HERC1: variants seen among roughly 807,000 people sequenced by gnomAD.
The protein encoded by HERC1 is probable E3 ubiquitin-protein ligase HERC1.
Under a neutral mutation model 554.3 loss-of-function variants are expected in HERC1, and 160 were observed. The observed-to-expected ratio is 0.29, with a 90% CI of 0.25 to 0.33. The LOEUF (loss-of-function observed/expected upper bound fraction) is 0.33. Among genes scored for constraint, HERC1 ranks in the 10% least tolerant of loss-of-function variants. The probability of loss-of-function intolerance (pLI) is 1.00; values close to 1 mark genes in which losing one functional copy is unlikely to be tolerated. For missense variants in HERC1, 4,919 were observed against 5,918.5 expected (o/e 0.83, Z 5.54); for synonymous variants, 2,175 against 2,131.7 (o/e 1.02, Z -0.56).
chr15:63,703,618 T>C (rs914237406), intron 25 of HERC1, among the ~76,000 whole-genome samples: 1 of 152,156 alleles, frequency 6.6e-6, no homozygotes, highest in Non-Finnish European at 1.5e-5. Flanking sequence ...CCAGGCACGG[T>C]GGCTCATTTC....
Position 63,811,469 on chromosome 15 carries a change from G to T in HERC1, c.-27+22358C>A, listed in dbSNP as rs1434600752. On this transcript the variant is annotated intron_variant, in intron 1 of 77. Coordinates refer to ENST00000443617, the MANE Select transcript of HERC1 (RefSeq NM_003922.4). The stretch of plus-strand genomic sequence containing the variant: ...ATTTTCAAAATCAGAATTTGGGGAG[G>T]AGTATAGAAACAGCTGAATCAGGCA... 7.3e-4 allele frequency among the ~76,000 whole-genome samples: 111 copies of T among 152,186 alleles called. 4 individuals carry two copies. The highest frequency in any genetic ancestry group is 2.1e-4 in the Non-Finnish European group (14 of 68,014).
In HERC1 at chr15:63,643,657, G is replaced by A. The variant is rs935873830; in HGVS notation, c.11185-107C>T. 6.4e-6 allele frequency: 5 copies of A among 777,314 alleles called. No individual in the cohort carries two copies. In the East Asian group the frequency reaches 1.4e-4, roughly 22 times the overall value. The allele number at this position is 777,314 out of a possible 1,614,324, so 48.2% of individuals were successfully genotyped here. ...TTATATTTCAGAATAAAATTGGCAA[G>A]GGGGAGAGATAATTTCTCTCATAAA... On this transcript the variant is annotated intron_variant, in intron 57 of 77. Transcript: ENST00000443617.
intron 1 of HERC1, among the ~76,000 whole-genome samples, chr15:63,789,801 A>AAAATAAATAAATAAATAAATAAAT (rs10527229): frequency 2.2e-4 from 30 of 139,086 alleles, no homozygotes; most frequent in African/African-American, 4.5e-4. Context: ...GCCCTGTCTC[A>AAAATAAATAAATAAATAAATAAAT]AAATAAATAA....
At position 63,682,204 on chromosome 15, in the gene HERC1, G is replaced by A. The variant is rs1299538633; in HGVS notation, c.6226-1428C>T. Among the ~76,000 whole-genome samples the A allele has an allele frequency of 2.6e-5, 4 of 152,204 alleles. No individual in the cohort carries two copies. The East Asian group carries it at 7.7e-4, about 29-fold the overall frequency. On this transcript the variant is annotated intron_variant, in intron 34 of 77. Coordinates refer to ENST00000443617, the MANE Select transcript of HERC1 (RefSeq NM_003922.4). ...CAGAAGGTGGACTGCTATCTGTTGT[G>A]AGGGGCAAAAGTTACCTATCAATTT...
chr15:63,763,664 TCAAAGTCA>T lies in HERC1; in HGVS notation c.1026+424_1026+431del, dbSNP rs2075682145. 2.0e-5 allele frequency among the ~76,000 whole-genome samples: 3 copies of T among 151,914 alleles called. No homozygotes were observed. The East Asian group carries it at 5.8e-4, about 29-fold the overall frequency. On this transcript the variant is annotated intron_variant, in intron 3 of 77. Transcript: ENST00000443617. ...ACTATAAAGAAATGCAAGGAAGTGGTCAAAGTCACAATAGTGGTTACTTTGGGGAGGAG... is the reference window on the plus strand; with the variant it reads ...ACTATAAAGAAATGCAAGGAAGTGGTCAATAGTGGTTACTTTGGGGAGGAG...
chr15:63,651,729 C>G (rs930030430), intron 52 of HERC1, among the ~76,000 whole-genome samples: 2 of 152,166 alleles, frequency 1.3e-5, no homozygotes, highest in African/African-American at 4.8e-5. Context: ...GAAATAGCTA[C>G]AGCTGGCTAT....
At chr15:63,793,247 A>C (rs1210272804) in intron 1 of HERC1, among the ~76,000 whole-genome samples, 4 of 152,216 alleles carry the variant, frequency 2.6e-5, no homozygotes, top group African/African-American at 9.7e-5. Flanking sequence ...ATGAGACAGG[A>C]GGTCGGCACA....
intron 1 of HERC1, among the ~76,000 whole-genome samples, chr15:63,802,840 T>G (rs1201846780): frequency 6.6e-6 from 1 of 152,224 alleles, no homozygotes; most frequent in South Asian, 2.1e-4. Flanking sequence ...AACAAAGCAA[T>G]AATAGCAGTT....
At chr15:63,665,535 GA>G (rs1223124349) in intron 42 of HERC1, among the ~76,000 whole-genome samples, 14 of 148,446 alleles carry the variant, frequency 9.4e-5, no homozygotes, top group South Asian at 4.2e-4. Context: ...CTCCGTCTCA[GA>G]AAAAAAAAAG....
At chr15:63,743,200 C>T (rs2074885933) in intron 12 of HERC1, among the ~76,000 whole-genome samples, 1 of 150,400 alleles carries the variant, frequency 6.6e-6, no homozygotes, top group South Asian at 2.1e-4. Flanking sequence ...GTGCTTCAAC[C>T]TTTTTTATTC....
chr15:63,756,378 T>A lies in HERC1; in HGVS notation c.1533+59A>T. 7.2e-7 allele frequency: 1 copy of A among 1,382,054 alleles called. No individual in the cohort carries two copies. Among genetic ancestry groups the A allele is most frequent in the South Asian group, 1.3e-5 (1 of 74,312 alleles). The allele number at this position is 1,382,054 out of a possible 1,614,324, so 85.6% of individuals were successfully genotyped here. A position where few individuals can be genotyped will look rare whatever the true frequency, so the allele number is the denominator to read the frequency against. The stretch of plus-strand genomic sequence containing the variant: ...AGAACACATCAAAATCTGAACGACA[T>A]TGTCAATTACAACTCCAATGCATCT... On this transcript the variant is annotated intron_variant, in intron 5 of 77. Coordinates refer to ENST00000443617, the MANE Select transcript of HERC1 (RefSeq NM_003922.4). The surrounding 1 kb of genome is among the most constrained non-coding windows in gnomAD (Gnocchi z 5.0).
At chr15:63,710,265 T>C (rs1254327305) in intron 24 of HERC1, among the ~76,000 whole-genome samples, 1 of 152,192 alleles carries the variant, frequency 6.6e-6, no homozygotes. Flanking sequence ...GTAGGTGTTT[T>C]GTTGTTGTTA....
At chr15:63,662,915 G>T in intron 44 of HERC1, 69 bp downstream of exon 44, 1 of 1,189,972 alleles carries the variant, frequency 8.4e-7, no homozygotes, top group Non-Finnish European at 1.2e-6. Flanking sequence ...CAAGGCTGCT[G>T]TTAGTAAGCT....
rs1421163527 is a variant in HERC1 at position 63,727,926 on chromosome 15, A to T, written c.3155-88T>A. 2 of 975,524 alleles carry T rather than the reference A, an allele frequency of 2.1e-6. No homozygotes were observed. Among genetic ancestry groups the T allele is most frequent in the African/African-American group, 3.3e-5 (2 of 60,962 alleles). The allele number at this position is 975,524 out of a possible 1,614,324, so 60.4% of individuals were successfully genotyped here. A position where few individuals can be genotyped will look rare whatever the true frequency, so the allele number is the denominator to read the frequency against. Reference sequence around the variant, plus strand: ...CTAATAAATATTATTTTAGCTTGGAACTAGAGTAGACTCATTCAACAACTC... The same window carrying T: ...CTAATAAATATTATTTTAGCTTGGATCTAGAGTAGACTCATTCAACAACTC... On this transcript the variant is annotated intron_variant, in intron 16 of 77. Transcript: ENST00000443617. The surrounding 1 kb of genome is among the most constrained non-coding windows in gnomAD (Gnocchi z 4.3).
rs756900880 is a variant in HERC1 at position 63,645,465 on chromosome 15, T to C, written c.11078+18A>G. On this transcript the variant is annotated intron_variant, in intron 56 of 77. Coordinates refer to ENST00000443617, the MANE Select transcript of HERC1 (RefSeq NM_003922.4). ...CAATATAAAAACTAAGACGTATAGA[T>C]GCAAATTGACAACATACGTAGCCAT... 1 of 1,587,526 alleles carries C rather than the reference T, an allele frequency of 6.3e-7. No individual in the cohort carries two copies. The highest frequency in any genetic ancestry group is 8.6e-7 in the Non-Finnish European group (1 of 1,165,172).
chr15:63,713,815 T>C lies in HERC1; in HGVS notation c.4151-150A>G, dbSNP rs569930474. 282 of 575,344 alleles carry C rather than the reference T, an allele frequency of 4.9e-4. 1 individual carries two copies. Among genetic ancestry groups the C allele is most frequent in the African/African-American group, 4.5e-3 (241 of 53,988 alleles). The allele number at this position is 575,344 out of a possible 1,614,324, so 35.6% of individuals were successfully genotyped here. A position where few individuals can be genotyped will look rare whatever the true frequency, so the allele number is the denominator to read the frequency against. On this transcript the variant is annotated intron_variant, in intron 22 of 77. Transcript: ENST00000443617. ...AGACATTATATACAACATAGTTAACTTAGTTAAAATTACATTTAAAATATA... is the reference window on the plus strand; with the variant it reads ...AGACATTATATACAACATAGTTAACCTAGTTAAAATTACATTTAAAATATA...
At chr15:63,754,704 C>A in intron 6 of HERC1, 56 bp from the exon 7 acceptor site, 1 of 1,489,136 alleles carries the variant, frequency 6.7e-7, no homozygotes, top group South Asian at 1.3e-5. Flanking sequence ...TTTCTCTAGG[C>A]CTTGACTTCA....
In HERC1 at chr15:63,610,825, A is replaced by C. The variant is rs553627198; in HGVS notation, c.14400+1426T>G. On this transcript the variant is annotated intron_variant, in intron 77 of 77. Transcript: ENST00000443617. ...AACAAACATCATGGGCCCTGCTCAG[A>C]GAACTGCCCAGCTCATGTGGGAGAG... Among the ~76,000 whole-genome samples, 5 of 152,350 alleles carry C rather than the reference A, an allele frequency of 3.3e-5. No homozygotes were observed. In the East Asian group the frequency reaches 9.6e-4, roughly 29 times the overall value.
intron 51 of HERC1, among the ~76,000 whole-genome samples, chr15:63,653,833 A>G (rs1274196235): frequency 6.6e-6 from 1 of 152,226 alleles, no homozygotes; most frequent in Non-Finnish European, 1.5e-5. Context: ...ACGGATACAG[A>G]GGATCAAATG....
Sources: allele counts gnomAD v4.1 joint callset (sites outside exome capture counted in the v4.1 genomes callset), GRCh38; gene constraint gnomAD v4.1.1; non-coding constraint Gnocchi (gnomAD v3.1); transcripts MANE v1.5; gene names NCBI Gene and HGNC (gene_info 2026-07-23, HGNC 2026-07-21).